STXBP5L: variants seen among roughly 807,000 people sequenced by gnomAD.
STXBP5L encodes the protein syntaxin binding protein 5L.
In STXBP5L, 65 loss-of-function variants were observed where a neutral mutation model predicts 144.5. That is an observed-to-expected ratio of 0.45 (90% CI 0.37 to 0.55). The LOEUF (loss-of-function observed/expected upper bound fraction) is 0.55, where lower values mean the gene tolerates loss of function less well. Ranked by LOEUF, STXBP5L falls within the 20% of genes least tolerant of loss-of-function variation. STXBP5L has a pLI of 0.00. For synonymous variants in STXBP5L, 505 were observed against 469.6 expected (o/e 1.08, Z -0.97); for missense variants, 1,298 against 1,405.5 (o/e 0.92, Z 1.22).
intron 2 of STXBP5L, among the ~76,000 whole-genome samples, chr3:120,918,755 A>G (rs1709222878): frequency 6.6e-6 from 1 of 152,160 alleles, no homozygotes; most frequent in South Asian, 2.1e-4. Context: ...AGCAAGGTTC[A>G]TGTTGCATTT....
At position 121,024,454 on chromosome 3, in the gene STXBP5L, A is replaced by G. The variant is rs538770749; in HGVS notation, c.288-17246A>G. The stretch of plus-strand genomic sequence containing the variant: ...TCTGGTTGAGCATTGAGATATCTCT[A>G]CTCTTGGTGTTTGAAATTCAAATAC... On this transcript the variant is annotated intron_variant, in intron 3 of 26. Coordinates refer to ENST00000471454, the MANE Select transcript of STXBP5L (RefSeq NM_001308330.2). Among the ~76,000 whole-genome samples the G allele has an allele frequency of 2.6e-5, 4 of 151,760 alleles. No individual in the cohort carries two copies. In the South Asian group the frequency reaches 8.4e-4, roughly 32 times the overall value.
intron 9 of STXBP5L, among the ~76,000 whole-genome samples, chr3:121,167,800 G>A (rs2046555841): frequency 1.3e-5 from 2 of 152,236 alleles, no homozygotes; most frequent in Admixed American, 6.5e-5. Context: ...GAAGAAAGCA[G>A]TGGATCTCCC....
chr3:121,376,748 A>T (rs2046195242), intron 20 of STXBP5L, among the ~76,000 whole-genome samples: 1 of 152,188 alleles, frequency 6.6e-6, no homozygotes. Flanking sequence ...AACTTAAAGT[A>T]GCTTTTTTTC....
At chr3:120,987,195 G>T (rs1942371017) in intron 3 of STXBP5L, among the ~76,000 whole-genome samples, 1 of 151,950 alleles carries the variant, frequency 6.6e-6, no homozygotes, top group African/African-American at 2.4e-5. Flanking sequence ...CTAAGAAGAT[G>T]CCAAACAATT....
At chr3:120,929,376 G>T (rs1308241932) in intron 2 of STXBP5L, among the ~76,000 whole-genome samples, 1 of 151,956 alleles carries the variant, frequency 6.6e-6, no homozygotes, top group Non-Finnish European at 1.5e-5. Context: ...CAGTCTCTTG[G>T]TTATATTTTG....
intron 5 of STXBP5L, among the ~76,000 whole-genome samples, chr3:121,074,620 T>C (rs141088552): frequency 1.3e-5 from 2 of 152,250 alleles, no homozygotes; most frequent in East Asian, 3.9e-4. Context: ...TGAGAAATAA[T>C]TTCTTATACA....
chr3:120,925,718 A>ATTTCTTCCTTTCTTAC (rs1709590026), intron 2 of STXBP5L, among the ~76,000 whole-genome samples: 1 of 151,870 alleles, frequency 6.6e-6, no homozygotes, highest in Non-Finnish European at 1.5e-5. Context: ...TCTTTTCTTC[A>ATTTCTTCCTTTCTTAC]TTTCTTCCTT....
intron 12 of STXBP5L, among the ~76,000 whole-genome samples, chr3:121,237,141 C>T (rs1180523230): frequency 6.6e-6 from 1 of 152,230 alleles, no homozygotes; most frequent in African/African-American, 2.4e-5. Flanking sequence ...ACACTGCTGG[C>T]GGCTCTGCCT....
chr3:120,920,957 C>T (rs550234239), intron 2 of STXBP5L, among the ~76,000 whole-genome samples: 1 of 151,830 alleles, frequency 6.6e-6, no homozygotes, highest in Non-Finnish European at 1.5e-5. Context: ...GTAACAGTGC[C>T]AATATCTCTT....
intron 5 of STXBP5L, among the ~76,000 whole-genome samples, chr3:121,077,170 G>A (rs991995124): frequency 6.6e-6 from 1 of 152,190 alleles, no homozygotes; most frequent in Non-Finnish European, 1.5e-5. Context: ...TCTGGTGTCA[G>A]TTAGGGTGTG....
At chr3:120,994,793 T>C (rs1943207951) in intron 3 of STXBP5L, among the ~76,000 whole-genome samples, 1 of 152,150 alleles carries the variant, frequency 6.6e-6, no homozygotes, top group African/African-American at 2.4e-5. Flanking sequence ...TCTGGCCTTA[T>C]ACATTGAATT....
rs565138294 is a variant in STXBP5L, at chr3:120,957,366, C to G, written c.287+2329C>G. Reference sequence around the variant, plus strand: ...ATTGATTTGCATATGCTGAACCATTCATGAATTCCTGAGATGATTCCCACT... The same window carrying G: ...ATTGATTTGCATATGCTGAACCATTGATGAATTCCTGAGATGATTCCCACT... On this transcript the variant is annotated intron_variant, in intron 3 of 26. Coordinates refer to ENST00000471454, the MANE Select transcript of STXBP5L (RefSeq NM_001308330.2). Among the ~76,000 whole-genome samples, 28 of 152,088 alleles carry G rather than the reference C, an allele frequency of 1.8e-4. No homozygotes were observed. In the South Asian group the frequency reaches 5.2e-3, roughly 28 times the overall value.
At chr3:120,953,164 C>T (rs1463840827) in intron 2 of STXBP5L, among the ~76,000 whole-genome samples, 1 of 151,920 alleles carries the variant, frequency 6.6e-6, no homozygotes, top group Admixed American at 6.6e-5. Context: ...ATCTTACAGA[C>T]ATGCTTGAAA....
chr3:120,914,529 A>G (rs1709009233), intron 2 of STXBP5L, among the ~76,000 whole-genome samples: 1 of 152,068 alleles, frequency 6.6e-6, no homozygotes, highest in East Asian at 1.9e-4. Flanking sequence ...CCAGGACCCT[A>G]GCAAGATGAA....
intron 18 of STXBP5L, among the ~76,000 whole-genome samples, chr3:121,265,838 A>G (rs892629002): frequency 1.1e-4 from 17 of 152,294 alleles, no homozygotes; most frequent in African/African-American, 3.8e-4. Flanking sequence ...AGAATACTAT[A>G]AACTAGTATT....
At chr3:121,313,309 C>A (rs1185484147) in intron 19 of STXBP5L, among the ~76,000 whole-genome samples, 2 of 140,636 alleles carry the variant, frequency 1.4e-5, no homozygotes, top group African/African-American at 5.3e-5. Context: ...AGGCGCCCCT[C>A]ACCTCCTGGA....
rs139367215 is a variant in STXBP5L, at chr3:121,067,791, T to A, written c.470+22256T>A. Among the ~76,000 whole-genome samples, 361 of 152,340 alleles carry A rather than the reference T, an allele frequency of 2.4e-3. 4 individuals carry two copies. The highest frequency in any genetic ancestry group is 6.6e-3 in the African/African-American group (274 of 41,590). On this transcript the variant is annotated intron_variant, in intron 5 of 26. Transcript: ENST00000471454. ...TGTTTTGAATCTAAGTTGTTGGATG[T>A]ATACATTTATTTTCTGTATATGTAT...
chr3:121,146,761 G>A (rs1359762231), intron 7 of STXBP5L, among the ~76,000 whole-genome samples: 1 of 151,954 alleles, frequency 6.6e-6, no homozygotes, highest in Non-Finnish European at 1.5e-5. Flanking sequence ...AATAGAAATT[G>A]GTTAATTCAG....
At chr3:120,995,049 T>TA (rs1943230407) in intron 3 of STXBP5L, among the ~76,000 whole-genome samples, 1 of 152,184 alleles carries the variant, frequency 6.6e-6, no homozygotes, top group Non-Finnish European at 1.5e-5. Context: ...AACCTACTTT[T>TA]AAAAATTGAT....
Sources: allele counts gnomAD v4.1 joint callset (sites outside exome capture counted in the v4.1 genomes callset), GRCh38; gene constraint gnomAD v4.1.1; transcripts MANE v1.5; gene names NCBI Gene and HGNC (gene_info 2026-07-23, HGNC 2026-07-21).